PRRT4: variants seen among roughly 807,000 people sequenced by gnomAD.
PRRT4 encodes the protein proline rich transmembrane protein 4, also known as proline-rich transmembrane protein 4.
A neutral mutation model predicts 55.6 loss-of-function variants in PRRT4; 59 were observed. The observed-to-expected ratio is 1.06, with a 90% CI of 0.86 to 1.32. The LOEUF is 1.32. PRRT4 is among the 40% of genes most tolerant of loss of function. The probability of loss-of-function intolerance (pLI) is 0.00; values close to 1 mark genes in which losing one functional copy is unlikely to be tolerated. For missense variants in PRRT4, 1,217 were observed against 1,222.0 expected (o/e 1.00, Z 0.06); for synonymous variants, 606 against 601.8 (o/e 1.01, Z -0.10).
At chr7:128,351,987 C>T (rs1796990806) in exon 5 of PRRT4, 1 of 1,304,230 alleles carries the variant, frequency 7.7e-7, no homozygotes, top group Non-Finnish European at 9.8e-7. Context: ...CGGCCCGCCG[C>T]CGCCGCCCGC....
chr7:128,359,434 T>C, exon 2 of PRRT4: 1 of 1,463,458 alleles, frequency 6.8e-7, no homozygotes, highest in Non-Finnish European at 9.0e-7. Context: ...GGGCTGCACC[T>C]GCTCTCAGTG....
exon 5 of PRRT4, chr7:128,351,158 T>A: frequency 6.5e-7 from 1 of 1,546,054 alleles, no homozygotes; most frequent in East Asian, 2.4e-5. Flanking sequence ...GATGAGACGC[T>A]GCTGCCTGCG....
At chr7:128,359,238 G>A in exon 3 of PRRT4, 1 of 1,551,268 alleles carries the variant, frequency 6.4e-7, no homozygotes, top group South Asian at 1.2e-5. Flanking sequence ...TGGGGACAGA[G>A]TAGTGCCAAA....
At chr7:128,359,738 G>A (rs1213687668) in exon 2 of PRRT4, 1 of 1,551,472 alleles carries the variant, frequency 6.4e-7, no homozygotes, top group Non-Finnish European at 8.7e-7. Flanking sequence ...CTCTTCCCCT[G>A]GCTCCTGGCC....
At chr7:128,359,482 C>A (rs528112237) in exon 2 of PRRT4, 50 of 1,463,912 alleles carry the variant, frequency 3.4e-5, no homozygotes, top group East Asian at 2.5e-5. Flanking sequence ...TCTGGTGGGG[C>A]CTGGGAGCAC....
chr7:128,361,073 C>CCTCT (rs1797239395), intron 1 of PRRT4, among the ~76,000 whole-genome samples: 1 of 132,656 alleles, frequency 7.5e-6, no homozygotes, highest in African/African-American at 3.0e-5. Context: ...CCCGGCCTCC[C>CCTCT]CTGTCTCTCT....
exon 3 of PRRT4, chr7:128,359,157 C>T: frequency 6.4e-7 from 1 of 1,551,712 alleles, no homozygotes; most frequent in Non-Finnish European, 8.7e-7. Flanking sequence ...ACCCAGAGAA[C>T]CCGAAACTCC....
intron 4 of PRRT4, among the ~76,000 whole-genome samples, chr7:128,355,476 G>A (rs989704924): frequency 2.6e-5 from 4 of 152,172 alleles, no homozygotes; most frequent in African/African-American, 7.2e-5. Context: ...GATTACAGGC[G>A]TGAGCCACCG....
chr7:128,356,610 TGGCCCTGTG>T (rs1797116307), intron 4 of PRRT4, among the ~76,000 whole-genome samples: 1 of 152,360 alleles, frequency 6.6e-6, no homozygotes, highest in Admixed American at 6.5e-5. Context: ...GGTCCCTTTC[TGGCCCTGTG>T]GGCCCTCTTG....
At chr7:128,351,384 G>A (rs1299536019) in exon 5 of PRRT4, 3 of 1,544,224 alleles carry the variant, frequency 1.9e-6, no homozygotes, top group East Asian at 4.9e-5. Context: ...GGTTGATTGG[G>A]GAGGGCGGGC....
exon 5 of PRRT4, chr7:128,350,998 T>C (rs1796945760): frequency 1.9e-6 from 3 of 1,550,314 alleles, no homozygotes; most frequent in South Asian, 2.4e-5. Context: ...GGACAGGGCC[T>C]GGTAGGATCC....
chr7:128,352,607 G>T, exon 5 of PRRT4: 1 of 1,542,988 alleles, frequency 6.5e-7, no homozygotes. Context: ...CCACACTCTG[G>T]CTGCCCCGAA....
intron 4 of PRRT4, among the ~76,000 whole-genome samples, chr7:128,355,229 A>C (rs888822740): frequency 4.6e-5 from 7 of 152,116 alleles, no homozygotes; most frequent in African/African-American, 1.7e-4. Flanking sequence ...ACAGAGTCTC[A>C]CTTCATTGCC....
chr7:128,361,103 TCA>T (rs71160634), intron 1 of PRRT4, among the ~76,000 whole-genome samples: 3,566 of 77,248 alleles, frequency 0.046, 78 homozygotes, highest in Middle Eastern at 0.063. Flanking sequence ...TCTCTCTCTC[TCA>T]CACACACACA....
At chr7:128,354,602 C>CAA (rs71522270) in intron 4 of PRRT4, among the ~76,000 whole-genome samples, 6 of 150,946 alleles carry the variant, frequency 4.0e-5, no homozygotes, top group African/African-American at 9.7e-5. Context: ...CACACACACA[C>CAA]AACAGTTCTT....
Position 128,358,774 on chromosome 7 carries a change from G to C in PRRT4, c.784C>G (p.Pro262Ala). Residue 262 changes from proline (P) to alanine (A), a missense_variant, in exon 4 of 5, where the codon CCC becomes GCC. By Grantham distance (27) the Pro-to-Ala change is conservative. Around this residue, in one of 3 missense-constraint regions of PRRT4, gnomAD observed 564 missense variants for 592.9 expected, o/e 0.95. Transcript: ENST00000535159. This position sits in a 1 kb window ranked among gnomAD's most constrained non-coding sequence, Gnocchi z 4.4. Reference sequence around the variant, plus strand: ...AGCTTCCTCTCCAGGGAGTATGGGGGCAGGGACAGAGTGGTACCAAGGAAC... The same window carrying C: ...AGCTTCCTCTCCAGGGAGTATGGGGCCAGGGACAGAGTGGTACCAAGGAAC... 1 of 1,550,554 alleles carries C rather than the reference G, an allele frequency of 6.4e-7. No homozygotes were observed. The highest frequency in any genetic ancestry group is 8.7e-7 in the Non-Finnish European group (1 of 1,146,432).
chr7:128,358,949 C>A lies in PRRT4; in HGVS notation c.758-149G>T. On this transcript the variant is annotated intron_variant, in intron 3 of 4. Coordinates refer to ENST00000535159, the Ensembl canonical transcript of PRRT4. The surrounding 1 kb of genome is among the most constrained non-coding windows in gnomAD (Gnocchi z 4.4). ...AGCCACATGCTAAGCTCATGTACAC[C>A]ATGAGCTAAGCTACAAAGAGCAAAC... 1 of 1,351,370 alleles carries A rather than the reference C, an allele frequency of 7.4e-7. No homozygotes were observed. 83.7% of individuals were successfully genotyped at this position (1,351,370 alleles called of 1,614,324 possible).
At chr7:128,361,111 A>ACC (rs1797245319) in intron 1 of PRRT4, among the ~76,000 whole-genome samples, 195 bp downstream of exon 2, 1 of 136,448 alleles carries the variant, frequency 7.3e-6, no homozygotes, top group Non-Finnish European at 1.6e-5. Context: ...TCTCACACAC[A>ACC]CACACACACA....
At chr7:128,359,790 C>T in exon 2 of PRRT4, 2 of 1,537,934 alleles carry the variant, frequency 1.3e-6, no homozygotes, top group Non-Finnish European at 1.8e-6. Flanking sequence ...ACTGGGCTCC[C>T]CCAGACAGCA....
Sources: allele counts gnomAD v4.1 joint callset (sites outside exome capture counted in the v4.1 genomes callset), GRCh38; gene constraint gnomAD v4.1.1; regional missense constraint gnomAD v4.1.1; non-coding constraint Gnocchi (gnomAD v3.1); transcripts MANE v1.5; gene names NCBI Gene and HGNC (gene_info 2026-07-23, HGNC 2026-07-21).